CTNNA3: variants seen among roughly 807,000 people sequenced by gnomAD.
CTNNA3 encodes the protein catenin alpha 3, also known as catenin alpha-3.
CTNNA3 carries 76 observed loss-of-function variants against 95.7 expected under a neutral mutation model. That is an observed-to-expected ratio of 0.79 (90% CI 0.66 to 0.96). The LOEUF (loss-of-function observed/expected upper bound fraction) is 0.96. Ranked by LOEUF, CTNNA3 falls within the 40% of genes least tolerant of loss-of-function variation. The pLI, the probability that CTNNA3 is intolerant of heterozygous loss-of-function variation, is 0.00. For missense variants in CTNNA3, 1,191 were observed against 1,089.8 expected, an observed-to-expected ratio of 1.09 and a Z score of -1.31; for synonymous variants, 431 against 374.4, an observed-to-expected ratio of 1.15 and a Z score of -1.74.
rs903752550 is a variant in CTNNA3 at position 66,905,730 on chromosome 10, A to G, written c.1048-130206T>C. On this transcript the variant is annotated intron_variant, in intron 7 of 17. Coordinates refer to ENST00000433211, the MANE Select transcript of CTNNA3 (RefSeq NM_013266.4). Reference sequence around the variant, plus strand: ...TGCTACATGCATTACGCTAAGTGAAATAAGCCAGTCATGGAAGGACAAATA... The same window carrying G: ...TGCTACATGCATTACGCTAAGTGAAGTAAGCCAGTCATGGAAGGACAAATA... Among the ~76,000 whole-genome samples, 4 of 152,212 alleles carry G rather than the reference A, an allele frequency of 2.6e-5. No homozygotes were observed. The East Asian group carries it at 7.7e-4, about 29-fold the overall frequency.
chr10:67,174,353 C>T (rs1027381145), intron 7 of CTNNA3, among the ~76,000 whole-genome samples: 1 of 152,092 alleles, frequency 6.6e-6, no homozygotes, highest in African/African-American at 2.4e-5. Flanking sequence ...AATAGAGGAA[C>T]CCAGATGCCT....
intron 13 of CTNNA3, among the ~76,000 whole-genome samples, chr10:66,239,184 T>G (rs1589820709): frequency 7.1e-6 from 1 of 141,798 alleles, no homozygotes; most frequent in Non-Finnish European, 1.5e-5. Context: ...TATTTTATAA[T>G]TAATTGATTA....
At chr10:66,255,501 T>A (rs1333249461) in intron 13 of CTNNA3, among the ~76,000 whole-genome samples, 1 of 152,166 alleles carries the variant, frequency 6.6e-6, no homozygotes, top group African/African-American at 2.4e-5. Context: ...AAAAATTGCA[T>A]AATCTTCCAA....
At chr10:67,149,135 T>C (rs1860972751) in intron 7 of CTNNA3, among the ~76,000 whole-genome samples, 1 of 152,184 alleles carries the variant, frequency 6.6e-6, no homozygotes, top group Admixed American at 6.5e-5. Context: ...ATTCCCAGTT[T>C]ACTCTCAGGC....
intron 15 of CTNNA3, among the ~76,000 whole-genome samples, chr10:65,992,630 C>G (rs1392434212): frequency 6.6e-6 from 1 of 151,862 alleles, no homozygotes; most frequent in Non-Finnish European, 1.5e-5. Context: ...TGGGTATTCT[C>G]TCTTTTCTTG....
chr10:65,985,065 T>C (rs2078400260), intron 16 of CTNNA3, among the ~76,000 whole-genome samples: 1 of 151,242 alleles, frequency 6.6e-6, no homozygotes, highest in South Asian at 2.1e-4. Context: ...TTAGGAATGT[T>C]ATTAAACAGT....
chr10:67,716,531 C>A (rs1371766112), intron 1 of CTNNA3, among the ~76,000 whole-genome samples: 3 of 152,122 alleles, frequency 2.0e-5, no homozygotes, highest in Non-Finnish European at 4.4e-5. Context: ...TCCATGTATT[C>A]TCATTGTTCA....
At chr10:66,101,548 T>G (rs2081630972) in intron 14 of CTNNA3, among the ~76,000 whole-genome samples, 1 of 152,224 alleles carries the variant, frequency 6.6e-6, no homozygotes, top group African/African-American at 2.4e-5. Context: ...TTTCCCATAT[T>G]ATGTTTTACC....
chr10:66,002,215 C>G (rs1481176731), intron 15 of CTNNA3, among the ~76,000 whole-genome samples: 1 of 152,166 alleles, frequency 6.6e-6, no homozygotes, highest in Admixed American at 6.6e-5. Context: ...CAAGCAAGGA[C>G]ACACTGTTCT....
chr10:67,560,078 G>C (rs1841441376), intron 3 of CTNNA3, among the ~76,000 whole-genome samples: 1 of 152,124 alleles, frequency 6.6e-6, no homozygotes. Context: ...ATATTATCCA[G>C]GAGAACTTCC....
At chr10:66,389,323 T>C (rs1259634183) in intron 11 of CTNNA3, among the ~76,000 whole-genome samples, 1 of 152,148 alleles carries the variant, frequency 6.6e-6, no homozygotes, top group Non-Finnish European at 1.5e-5. Context: ...TAGAATATTA[T>C]GTTTTGAAGG....
intron 7 of CTNNA3, among the ~76,000 whole-genome samples, chr10:67,171,087 G>T (rs911506432): frequency 1.3e-5 from 2 of 151,906 alleles, no homozygotes; most frequent in African/African-American, 4.8e-5. Flanking sequence ...TATCTATTTG[G>T]CTCACATATT....
At chr10:67,753,077 C>T (rs184139818) in intron 1 of CTNNA3, among the ~76,000 whole-genome samples, 1 of 152,200 alleles carries the variant, frequency 6.6e-6, no homozygotes, top group African/African-American at 2.4e-5. Flanking sequence ...AACTATACTG[C>T]AAGGCAATAG....
intron 10 of CTNNA3, among the ~76,000 whole-genome samples, chr10:66,529,619 T>G (rs570533663): frequency 6.6e-6 from 1 of 152,098 alleles, no homozygotes; most frequent in Non-Finnish European, 1.5e-5. Flanking sequence ...ACTATATGTG[T>G]AAAAATGGAA....
At chr10:67,210,082 C>G (rs1367469441) in intron 6 of CTNNA3, among the ~76,000 whole-genome samples, 1 of 151,880 alleles carries the variant, frequency 6.6e-6, no homozygotes, top group Admixed American at 6.6e-5. Flanking sequence ...GCAAAGCAGG[C>G]AGATCACAAG....
intron 9 of CTNNA3, among the ~76,000 whole-genome samples, chr10:66,680,416 TATA>T (rs1321625413): frequency 2.6e-5 from 4 of 152,072 alleles, no homozygotes; most frequent in Non-Finnish European, 5.9e-5. Context: ...AAGGTGATAG[TATA>T]ATAACAAAGA....
At chr10:67,402,498 T>C (rs994215971) in intron 5 of CTNNA3, among the ~76,000 whole-genome samples, 1 of 152,020 alleles carries the variant, frequency 6.6e-6, no homozygotes, top group Non-Finnish European at 1.5e-5. Context: ...AAGCAGTGAG[T>C]AAATACAGCA....
chr10:67,185,156 G>A (rs1464336998), intron 6 of CTNNA3, among the ~76,000 whole-genome samples: 1 of 151,442 alleles, frequency 6.6e-6, no homozygotes, highest in African/African-American at 2.4e-5. Flanking sequence ...TTTAGATGGA[G>A]TCTCACTCTG....
chr10:66,239,212 A>G (rs1472216272), intron 13 of CTNNA3, among the ~76,000 whole-genome samples: 1 of 142,842 alleles, frequency 7.0e-6, no homozygotes, highest in Non-Finnish European at 1.6e-5. Context: ...TTAATTAGTC[A>G]ATTGATTTTA....
Sources: gnomAD v4.1 joint callset for allele counts (sites outside exome capture counted in the v4.1 genomes callset) on GRCh38, gnomAD v4.1.1 for gene constraint, MANE v1.5 for transcripts, NCBI Gene and HGNC (gene_info 2026-07-23, HGNC 2026-07-21) for gene names.